The following CUBN variants were observed in gnomAD, a reference collection of about 807,000 sequenced individuals.
The protein encoded by CUBN is cubilin.
In CUBN, 282 loss-of-function variants were observed where a neutral mutation model predicts 405.3. That is an observed-to-expected ratio of 0.70 (90% CI 0.63 to 0.77). The LOEUF (loss-of-function observed/expected upper bound fraction) is 0.77. Among genes scored for constraint, CUBN ranks in the 30% least tolerant of loss-of-function variants. The pLI, the probability that CUBN is intolerant of heterozygous loss-of-function variation, is 0.00. For synonymous variants in CUBN, 1,684 were observed against 1,617.0 expected (o/e 1.04, Z -0.99); for missense variants, 4,514 against 4,475.2 (o/e 1.01, Z -0.25).
At chr10:17,080,712 A>G (rs1481191318) in intron 17 of CUBN, among the ~76,000 whole-genome samples, 1 of 152,176 alleles carries the variant, frequency 6.6e-6, no homozygotes, top group Non-Finnish European at 1.5e-5. Flanking sequence ...TATTCAGCCT[A>G]CAACTTCCCT....
intron 36 of CUBN, among the ~76,000 whole-genome samples, chr10:16,942,544 C>T (rs1333882274): frequency 6.6e-6 from 1 of 152,058 alleles, no homozygotes; most frequent in African/African-American, 2.4e-5. Context: ...CACTACAAAC[C>T]ACCAGGAAGA....
chr10:17,101,922 G>A (rs1219622387), intron 13 of CUBN, among the ~76,000 whole-genome samples: 4 of 152,206 alleles, frequency 2.6e-5, no homozygotes, highest in Admixed American at 2.6e-4. Flanking sequence ...TGTATATGGA[G>A]CACTTAGTAT....
chr10:17,127,266 T>C (rs1165263006), intron 3 of CUBN, among the ~76,000 whole-genome samples: 1 of 106,638 alleles, frequency 9.4e-6, no homozygotes, highest in African/African-American at 3.9e-5. Flanking sequence ...CTCTCTTTCT[T>C]TTTTTTTTTT....
At chr10:16,982,335 G>A in intron 31 of CUBN, 149 bp downstream of exon 31, 1 of 708,186 alleles carries the variant, frequency 1.4e-6, no homozygotes, top group Non-Finnish European at 2.4e-6. Context: ...AAAAATAAAT[G>A]TCCTTATATT....
chr10:17,094,914 C>G (rs554154598), intron 14 of CUBN, among the ~76,000 whole-genome samples: 1 of 151,926 alleles, frequency 6.6e-6, no homozygotes, highest in Non-Finnish European at 1.5e-5. Flanking sequence ...CCCCAAATAG[C>G]TAAAGCAATC....
intron 54 of CUBN, 42 bp downstream of exon 54, chr10:16,898,954 C>T (rs576923829): frequency 6.8e-7 from 1 of 1,480,416 alleles, no homozygotes; most frequent in Admixed American, 1.7e-5. Flanking sequence ...CTAATGTTCA[C>T]AAAACCAACT....
chr10:17,129,671 C>T lies in CUBN; in HGVS notation c.95G>A (p.Arg32Lys), dbSNP rs762548249. Residue 32 changes from arginine (R) to lysine (K), a missense_variant, in exon 1 of 67, where the codon AGA becomes AAA. Arg to Lys is a conservative substitution (Grantham distance 26, BLOSUM62 2). This residue lies in a region of CUBN where 1,448 missense variants were observed against 1,388.0 expected (regional missense o/e 1.04). Coordinates refer to ENST00000377833, the MANE Select transcript of CUBN (RefSeq NM_001081.4). Reference sequence around the variant, plus strand: ...TTGGAGATTGATGCTTCTTTTTTGTCTCTGCAGCTCAAGTTCTCCAGCTTC... The same window carrying T: ...TTGGAGATTGATGCTTCTTTTTTGTTTCTGCAGCTCAAGTTCTCCAGCTTC... ...NGEAGELELQ[R>K]QKRSINLQQP... The T allele has an allele frequency of 1.1e-5, 17 of 1,613,988 alleles. No homozygotes were observed. Among genetic ancestry groups the T allele is most frequent in the Admixed American group, 1.7e-5 (1 of 59,998 alleles).
intron 31 of CUBN, among the ~76,000 whole-genome samples, chr10:16,967,576 G>C (rs550393281): frequency 2.6e-5 from 4 of 152,138 alleles, no homozygotes; most frequent in East Asian, 3.9e-4. Flanking sequence ...TAATACAAAT[G>C]CAAGTCACAA....
In CUBN at chr10:17,020,072, C is replaced by T. The variant is rs554636676; in HGVS notation, c.4018-89G>A. Reference sequence around the variant, plus strand: ...TCTACACAAGTAGCAAAAGCTGTTCCTTGGTTCAAAAGTTAGAGGTAAATC... The same window carrying T: ...TCTACACAAGTAGCAAAAGCTGTTCTTTGGTTCAAAAGTTAGAGGTAAATC... On this transcript the variant is annotated intron_variant, in intron 27 of 66. Transcript: ENST00000377833. 28 of 1,473,866 alleles carry T rather than the reference C, an allele frequency of 1.9e-5. No homozygotes were observed. In the Admixed American group the frequency reaches 4.5e-4, roughly 24 times the overall value. 91.3% of individuals were successfully genotyped at this position (1,473,866 alleles called of 1,614,324 possible).
intron 24 of CUBN, 85 bp downstream of exon 24, chr10:17,045,849 A>G: frequency 7.3e-7 from 1 of 1,367,614 alleles, no homozygotes; most frequent in South Asian, 1.2e-5. Context: ...AACATGGACA[A>G]GTGAGGGACA....
intron 36 of CUBN, among the ~76,000 whole-genome samples, chr10:16,945,601 C>G (rs1255434317): frequency 6.6e-6 from 1 of 151,842 alleles, no homozygotes; most frequent in Non-Finnish European, 1.5e-5. Flanking sequence ...AACTCCATCA[C>G]TACTAAAAAT....
At chr10:16,874,255 T>C (rs1029556773) in intron 58 of CUBN, 119 bp downstream of exon 58, 10 of 1,052,112 alleles carry the variant, frequency 9.5e-6, no homozygotes, top group East Asian at 4.8e-5. Flanking sequence ...ATCACTCCTC[T>C]GTGTAGATTT....
At chr10:16,953,738 C>A (rs550827220) in intron 32 of CUBN, among the ~76,000 whole-genome samples, 1 of 152,128 alleles carries the variant, frequency 6.6e-6, no homozygotes, top group Admixed American at 6.6e-5. Flanking sequence ...ATAGTCCCAG[C>A]TACTCAGGAG....
chr10:16,917,288 T>C (rs1338076285), intron 45 of CUBN, among the ~76,000 whole-genome samples: 5 of 152,192 alleles, frequency 3.3e-5, no homozygotes, highest in African/African-American at 9.7e-5. Context: ...TCCTTTTCCT[T>C]GGGGGATACA....
intron 64 of CUBN, among the ~76,000 whole-genome samples, chr10:16,834,778 A>G (rs558371794): frequency 6.6e-6 from 1 of 152,262 alleles, no homozygotes; most frequent in Non-Finnish European, 1.5e-5. Context: ...GTAATTGGCT[A>G]TACCCCATCT....
chr10:17,080,537 C>T (rs911442644), intron 17 of CUBN, among the ~76,000 whole-genome samples: 3 of 152,226 alleles, frequency 2.0e-5, no homozygotes, highest in Non-Finnish European at 4.4e-5. Context: ...GCTCTCCCTG[C>T]GTCTCTTGTA....
intron 8 of CUBN, 110 bp downstream of exon 8, chr10:17,113,917 T>C (rs1836824465): frequency 4.6e-6 from 5 of 1,098,150 alleles, no homozygotes; most frequent in Non-Finnish European, 5.4e-6. Flanking sequence ...AAACTGGATT[T>C]GAACACCTCC....
intron 31 of CUBN, among the ~76,000 whole-genome samples, chr10:16,980,480 G>C (rs1452665012): frequency 6.6e-6 from 1 of 152,168 alleles, no homozygotes; most frequent in African/African-American, 2.4e-5. Context: ...AGAAAATGTG[G>C]CACCTATACA....
intron 43 of CUBN, among the ~76,000 whole-genome samples, chr10:16,921,092 T>C (rs1842021700): frequency 1.3e-5 from 2 of 152,230 alleles, no homozygotes; most frequent in Admixed American, 1.3e-4. Context: ...TGCAAATATA[T>C]GTTCTCCCAT....
Sources: allele counts gnomAD v4.1 joint callset (sites outside exome capture counted in the v4.1 genomes callset), GRCh38; gene constraint gnomAD v4.1.1; regional missense constraint gnomAD v4.1.1; transcripts MANE v1.5; gene names NCBI Gene and HGNC (gene_info 2026-07-23, HGNC 2026-07-21).